MLIP: variants seen among roughly 807,000 people sequenced by gnomAD.
The protein encoded by MLIP is muscular LMNA-interacting protein.
A neutral mutation model predicts 84.8 loss-of-function variants in MLIP; 79 were observed. The ratio of observed to expected loss-of-function variants is 0.93; its 90% CI spans 0.78 to 1.12. The LOEUF is 1.12. Among genes scored for constraint, MLIP ranks in the 50% most tolerant of loss-of-function variants. MLIP has a pLI of 0.00. For synonymous variants in MLIP, 504 were observed against 463.0 expected (o/e 1.09, Z -1.14); for missense variants, 1,257 against 1,160.6 (o/e 1.08, Z -1.21).
chr6:54,161,655 G>A (rs1774651245), intron 8 of MLIP, among the ~76,000 whole-genome samples: 1 of 151,586 alleles, frequency 6.6e-6, no homozygotes, highest in African/African-American at 2.4e-5. Flanking sequence ...ATTTTCAAAT[G>A]TACAGAACTA....
At chr6:54,161,528 A>C (rs941476864) in intron 8 of MLIP, among the ~76,000 whole-genome samples, 3 of 151,748 alleles carry the variant, frequency 2.0e-5, no homozygotes, top group African/African-American at 7.2e-5. Flanking sequence ...CTTTATTGAT[A>C]ATTGTTAGTT....
Position 54,242,366 on chromosome 6 carries a change from G to A in MLIP, c.2922+11449G>A, listed in dbSNP as rs539959269. ...CGTGTGTAACGTTTATATTGGTAAC[G>A]TTATTGAGAGCATGTAAATTGGTAT... On this transcript the variant is annotated intron_variant, in intron 12 of 13. Transcript: ENST00000502396. Among the ~76,000 whole-genome samples, 11 of 152,206 alleles carry A rather than the reference G, an allele frequency of 7.2e-5. No homozygotes were observed. In the East Asian group the frequency reaches 1.2e-3, roughly 16 times the overall value.
chr6:54,105,577 C>A, intron 1 of MLIP, among the ~76,000 whole-genome samples: 1 of 152,052 alleles, frequency 6.6e-6, no homozygotes, highest in East Asian at 1.9e-4. Flanking sequence ...TGATTAAAAT[C>A]CAATGAAGGA....
intron 9 of MLIP, among the ~76,000 whole-genome samples, chr6:54,181,302 T>C (rs1345917941): frequency 6.6e-6 from 1 of 152,110 alleles, no homozygotes; most frequent in Admixed American, 6.5e-5. Context: ...CACCAGCACA[T>C]GGGCTGGGGC....
intron 1 of MLIP, among the ~76,000 whole-genome samples, chr6:54,117,870 C>A (rs1044645236): frequency 2.6e-5 from 4 of 151,826 alleles, no homozygotes; most frequent in African/African-American, 9.7e-5. Flanking sequence ...GGCATGAACC[C>A]GGGAGTGGAG....
At chr6:54,101,757 T>G (rs530945358) in intron 1 of MLIP, among the ~76,000 whole-genome samples, 1 of 152,306 alleles carries the variant, frequency 6.6e-6, no homozygotes, top group East Asian at 1.9e-4. Context: ...TTGAAAAGTA[T>G]GTAGCTTTAG....
chr6:54,249,470 T>C lies in MLIP; in HGVS notation c.2923-7838T>C, dbSNP rs77685646. Among the ~76,000 whole-genome samples, 431 of 148,798 alleles carry C rather than the reference T, an allele frequency of 2.9e-3. 6 individuals are homozygous for C. Among genetic ancestry groups the C allele is most frequent in the South Asian group, 0.02 (98 of 4,796 alleles). On this transcript the variant is annotated intron_variant, in intron 12 of 13. Coordinates refer to ENST00000502396, the MANE Select transcript of MLIP (RefSeq NM_001281747.2). ...AATCTTTAAGACATATAGCTAATTC[T>C]TTTTTTTTGATATGAGAGGCATATT...
rs775948528 is a variant in MLIP at position 54,165,758 on chromosome 6, AG to A, written c.2500-3768del. On this transcript the variant is annotated intron_variant, in intron 8 of 13. Coordinates refer to ENST00000502396, the MANE Select transcript of MLIP (RefSeq NM_001281747.2). Reference sequence around the variant, plus strand: ...AATTCTAGAGAAGAAAGGGAAATAAAGGTCTGAATATTTGTGCCCCACCCAC... The same window carrying A: ...AATTCTAGAGAAGAAAGGGAAATAAAGTCTGAATATTTGTGCCCCACCCAC... 1.2e-4 allele frequency among the ~76,000 whole-genome samples: 19 copies of A among 152,046 alleles called. No homozygotes were observed. In the South Asian group the frequency reaches 1.7e-3, roughly 13 times the overall value.
At chr6:54,082,662 A>G (rs2150359611) in intron 1 of MLIP, among the ~76,000 whole-genome samples, 1 of 152,338 alleles carries the variant, frequency 6.6e-6, no homozygotes, top group South Asian at 2.1e-4. Flanking sequence ...CATTCTCACT[A>G]GCATTTGGTA....
chr6:54,258,632 G>A (rs541759320), intron 13 of MLIP, among the ~76,000 whole-genome samples: 4 of 151,920 alleles, frequency 2.6e-5, no homozygotes, highest in Admixed American at 6.6e-5. Flanking sequence ...TGCAGTCTTG[G>A]CAGCATTGAG....
At chr6:54,019,886 A>C (rs1322376436) in intron 1 of MLIP, among the ~76,000 whole-genome samples, 1 of 152,214 alleles carries the variant, frequency 6.6e-6, no homozygotes, top group Non-Finnish European at 1.5e-5. Context: ...AAAACTAGAA[A>C]AATGGAAAAA....
At chr6:54,200,089 A>G (rs1778564419) in intron 10 of MLIP, among the ~76,000 whole-genome samples, 1 of 152,202 alleles carries the variant, frequency 6.6e-6, no homozygotes, top group African/African-American at 2.4e-5. Flanking sequence ...AGCATCAGTA[A>G]CAGACTCTGA....
Position 54,157,686 on chromosome 6 carries a change from T to A in MLIP, c.2290-2681T>A, listed in dbSNP as rs543789298. 2.0e-5 allele frequency among the ~76,000 whole-genome samples: 3 copies of A among 152,128 alleles called. No homozygotes were observed. The South Asian group carries it at 6.2e-4, about 32-fold the overall frequency. On this transcript the variant is annotated intron_variant, in intron 5 of 13. Transcript: ENST00000502396. ...TCCCTGTAACACAAGGAAAGGAACC[T>A]CTCCCCCTTTAACAAGGTGAACAGG...
In MLIP at chr6:54,138,301, T is replaced by C; in HGVS notation, c.2217+15T>C. 1 of 1,530,302 alleles carries C rather than the reference T, an allele frequency of 6.5e-7. No homozygotes were observed. Among genetic ancestry groups the C allele is most frequent in the Non-Finnish European group, 8.7e-7 (1 of 1,143,096 alleles). The allele number at this position is 1,530,302 out of a possible 1,614,324, so 94.8% of individuals were successfully genotyped here. A position where few individuals can be genotyped will look rare whatever the true frequency, so the allele number is the denominator to read the frequency against. ...AGAAATCAAAGGTATTTTTTGCATG[T>C]TGCATGGTGCATGCTTATTTTGAAA... On this transcript the variant is annotated intron_variant, in intron 4 of 13. Transcript: ENST00000502396.
chr6:54,044,295 A>G (rs955319828), intron 1 of MLIP, among the ~76,000 whole-genome samples: 2 of 152,226 alleles, frequency 1.3e-5, no homozygotes, highest in Non-Finnish European at 2.9e-5. Context: ...TGGAAACAGA[A>G]TGTCAAGCAG....
At chr6:54,037,257 G>A (rs375952794) in intron 1 of MLIP, among the ~76,000 whole-genome samples, 34 of 152,136 alleles carry the variant, frequency 2.2e-4, no homozygotes, top group African/African-American at 7.7e-4. Flanking sequence ...TCGTACAGCT[G>A]CAGCTCTGCA....
chr6:54,178,807 A>C (rs1776562000), intron 9 of MLIP, among the ~76,000 whole-genome samples: 1 of 152,214 alleles, frequency 6.6e-6, no homozygotes, highest in Admixed American at 6.5e-5. Flanking sequence ...TTTGTGACCT[A>C]ACATACGGTC....
chr6:54,127,232 A>C (rs963668879), intron 3 of MLIP, among the ~76,000 whole-genome samples: 10 of 152,166 alleles, frequency 6.6e-5, no homozygotes, highest in Middle Eastern at 3.4e-3. Flanking sequence ...TGGGGGAAAA[A>C]ATTCTCCATT....
In MLIP at chr6:54,150,260, G is replaced by T. The variant is rs1226053099; in HGVS notation, c.2289+1133G>T. On this transcript the variant is annotated intron_variant, in intron 5 of 13. Transcript: ENST00000502396. ...TATATGTAAGTGCTTTGAACTGGAG[G>T]TTCACTAGGCTGCAGGAAAATCTGC... Among the ~76,000 whole-genome samples the T allele has an allele frequency of 2.6e-5, 4 of 152,292 alleles. No homozygotes were observed. In the East Asian group the frequency reaches 5.8e-4, roughly 22 times the overall value.
Sources: allele counts gnomAD v4.1 joint callset (sites outside exome capture counted in the v4.1 genomes callset), GRCh38; gene constraint gnomAD v4.1.1; transcripts MANE v1.5; gene names NCBI Gene and HGNC (gene_info 2026-07-23, HGNC 2026-07-21).